The following PTPRK variants were observed in gnomAD, a reference collection of about 807,000 sequenced individuals.
The protein encoded by PTPRK is protein tyrosine phosphatase receptor type K, also known as receptor-type tyrosine-protein phosphatase kappa.
PTPRK carries 75 observed loss-of-function variants against 178.0 expected under a neutral mutation model. The ratio of observed to expected loss-of-function variants is 0.42; its 90% confidence interval spans 0.35 to 0.51. PTPRK has a LOEUF of 0.51. Among genes scored for constraint, PTPRK ranks in the 20% least tolerant of loss-of-function variants. The pLI is 0.02. For synonymous variants in PTPRK, 637 were observed against 620.6 expected, an observed-to-expected ratio of 1.03 and a Z score of -0.39; for missense variants, 1,441 against 1,797.8, an observed-to-expected ratio of 0.80 and a Z score of 3.59.
intron 1 of PTPRK, among the ~76,000 whole-genome samples, chr6:128,484,922 T>C (rs1852597280): frequency 6.6e-6 from 1 of 152,134 alleles, no homozygotes; most frequent in African/African-American, 2.4e-5. Context: ...TCAAAACACA[T>C]ACAAATATCA....
intron 1 of PTPRK, among the ~76,000 whole-genome samples, chr6:128,464,888 G>A (rs1849655167): frequency 6.7e-6 from 1 of 150,266 alleles, no homozygotes; most frequent in Admixed American, 6.7e-5. Context: ...GTCTACAGGA[G>A]TTGCAATAAC....
intron 3 of PTPRK, among the ~76,000 whole-genome samples, chr6:128,311,929 A>T (rs1461777513): frequency 6.6e-6 from 1 of 152,200 alleles, no homozygotes; most frequent in African/African-American, 2.4e-5. Flanking sequence ...CAAGAGAAAA[A>T]CATAACAAAT....
intron 1 of PTPRK, among the ~76,000 whole-genome samples, chr6:128,401,361 C>T (rs564920865): frequency 2.0e-5 from 3 of 152,186 alleles, no homozygotes; most frequent in Non-Finnish European, 4.4e-5. Flanking sequence ...AACTATATTG[C>T]CTAAACATCT....
intron 7 of PTPRK, among the ~76,000 whole-genome samples, chr6:128,122,097 TAC>T (rs570542419): frequency 2.5e-4 from 38 of 152,278 alleles, no homozygotes; most frequent in African/African-American, 8.4e-4. Context: ...CTTCATCATA[TAC>T]ACTTACCTGA....
At chr6:128,216,856 A>G (rs1019838114) in intron 6 of PTPRK, among the ~76,000 whole-genome samples, 7 of 152,200 alleles carry the variant, frequency 4.6e-5, no homozygotes, top group East Asian at 3.8e-4. Flanking sequence ...GTCTTCTACA[A>G]TCTTTTGAGA....
At chr6:128,172,866 T>G (rs1158843436) in intron 7 of PTPRK, among the ~76,000 whole-genome samples, 7 of 151,888 alleles carry the variant, frequency 4.6e-5, no homozygotes, top group African/African-American at 1.7e-4. Context: ...TATATCAATA[T>G]ATTCCAAAGA....
At chr6:128,281,777 T>C (rs1265161185) in intron 3 of PTPRK, among the ~76,000 whole-genome samples, 1 of 151,622 alleles carries the variant, frequency 6.6e-6, no homozygotes, top group East Asian at 1.9e-4. Context: ...GGAATCCTAA[T>C]AGAAGGCAGA....
At chr6:128,145,679 A>G (rs7754591) in intron 7 of PTPRK, among the ~76,000 whole-genome samples, 74 of 149,042 alleles carry the variant, frequency 5.0e-4, no homozygotes, top group African/African-American at 1.9e-3. Context: ...ATCAAAAAAG[A>G]TTACTTACTA....
chr6:128,486,443 A>T (rs1302311399), intron 1 of PTPRK, among the ~76,000 whole-genome samples: 1 of 152,144 alleles, frequency 6.6e-6, no homozygotes, highest in African/African-American at 2.4e-5. Flanking sequence ...TAGGGGAAAA[A>T]ATCATGTTAC....
rs190089144 is a variant in PTPRK at position 128,062,557 on chromosome 6, T to C, written c.2194+2201A>G. 6 of 167,230 alleles carry C rather than the reference T, an allele frequency of 3.6e-5. No individual in the cohort carries two copies. The East Asian group carries it at 9.6e-4, about 27-fold the overall frequency. 10.4% of individuals were successfully genotyped at this position (167,230 alleles called of 1,614,324 possible). On this transcript the variant is annotated intron_variant, in intron 13 of 29. Transcript: ENST00000368226. ...AATTTAGATTTGTTTTTATACATAT[T>C]TCATTCATAACTGTCTAACATAAGT...
intron 6 of PTPRK, among the ~76,000 whole-genome samples, chr6:128,215,780 G>A (rs976861365): frequency 2.0e-5 from 3 of 151,890 alleles, no homozygotes; most frequent in African/African-American, 7.3e-5. Flanking sequence ...GCAATACCAT[G>A]CCAGCTCTTA....
intron 13 of PTPRK, among the ~76,000 whole-genome samples, chr6:128,012,010 C>T (rs1358391378): frequency 6.6e-6 from 1 of 151,080 alleles, no homozygotes; most frequent in South Asian, 2.1e-4. Context: ...GGTAAGGCTG[C>T]CTGTCTGTCA....
intron 1 of PTPRK, among the ~76,000 whole-genome samples, chr6:128,438,160 G>A (rs1479185486): frequency 1.3e-5 from 2 of 152,200 alleles, no homozygotes; most frequent in Admixed American, 6.5e-5. Context: ...GGGCTGATTC[G>A]CTCAGTCAAA....
At chr6:128,270,771 AT>A (rs148489325) in intron 3 of PTPRK, among the ~76,000 whole-genome samples, 4,175 of 152,218 alleles carry the variant, frequency 0.027, 178 homozygotes, top group African/African-American at 0.095. Context: ...TATTCAGAAA[AT>A]TTTAATTTAT....
chr6:128,384,022 T>C (rs1481413191), intron 2 of PTPRK, among the ~76,000 whole-genome samples: 2 of 152,228 alleles, frequency 1.3e-5, no homozygotes, highest in Non-Finnish European at 2.9e-5. Flanking sequence ...TGAATTTATT[T>C]CTTAAACTTT....
In PTPRK at chr6:128,461,070, TC is replaced by T. The variant is rs371300358; in HGVS notation, c.100+59188del. ...TTTTTAAAATACTCCTTTACATTCATCTTTTTTCATTTCTTATAATGGACCA... is the reference window on the plus strand; with the variant it reads ...TTTTTAAAATACTCCTTTACATTCATTTTTTTCATTTCTTATAATGGACCA... On this transcript the variant is annotated intron_variant, in intron 1 of 29. Transcript: ENST00000368226. Among the ~76,000 whole-genome samples the T allele has an allele frequency of 3.3e-5, 5 of 152,344 alleles. No individual in the cohort carries two copies. In the South Asian group the frequency reaches 6.2e-4, roughly 19 times the overall value.
intron 13 of PTPRK, among the ~76,000 whole-genome samples, chr6:128,023,907 C>A (rs1013832947): frequency 2.6e-5 from 4 of 151,904 alleles, no homozygotes; most frequent in Non-Finnish European, 5.9e-5. Flanking sequence ...TGGGTTCAAG[C>A]AATCTGCCTG....
intron 7 of PTPRK, among the ~76,000 whole-genome samples, chr6:128,110,131 C>G (rs1007489431): frequency 6.6e-6 from 1 of 152,050 alleles, no homozygotes; most frequent in Admixed American, 6.6e-5. Context: ...ACTATCTTGT[C>G]CAGACTGGTC....
At chr6:128,199,123 C>G in intron 6 of PTPRK, among the ~76,000 whole-genome samples, 1 of 152,120 alleles carries the variant, frequency 6.6e-6, no homozygotes, top group East Asian at 1.9e-4. Flanking sequence ...CAGGTACGTG[C>G]TACCCCAAAA....
Sources: allele counts gnomAD v4.1 joint callset (sites outside exome capture counted in the v4.1 genomes callset), GRCh38; gene constraint gnomAD v4.1.1; transcripts MANE v1.5; gene names NCBI Gene and HGNC (gene_info 2026-07-23, HGNC 2026-07-21).